ZNF385D: variants seen among roughly 807,000 people sequenced by gnomAD.
ZNF385D encodes zinc finger protein 659.
A neutral mutation model predicts 35.8 loss-of-function variants in ZNF385D; 15 were observed. That is an observed-to-expected ratio of 0.42 (90% CI 0.28 to 0.64). ZNF385D has a LOEUF of 0.64. ZNF385D is among the 30% of genes least tolerant of loss of function. The pLI is 0.23. For missense variants in ZNF385D, 474 were observed against 494.6 expected, an observed-to-expected ratio of 0.96 and a Z score of 0.39; for synonymous variants, 212 against 186.8, an observed-to-expected ratio of 1.13 and a Z score of -1.10.
chr3:21,501,059 C>A (rs1190563458), intron 4 of ZNF385D, among the ~76,000 whole-genome samples: 1 of 152,218 alleles, frequency 6.6e-6, no homozygotes, highest in Non-Finnish European at 1.5e-5. Flanking sequence ...GGAGGGCCAG[C>A]TTTTTTCGCA....
chr3:21,975,839 T>A (rs761541062), intron 3 of ZNF385D, among the ~76,000 whole-genome samples: 1 of 150,134 alleles, frequency 6.7e-6, no homozygotes, highest in Non-Finnish European at 1.5e-5. Flanking sequence ...TTAAGTGAGA[T>A]TGGCAATCAA....
chr3:22,093,181 T>G (rs911451215), intron 3 of ZNF385D, among the ~76,000 whole-genome samples: 2 of 152,100 alleles, frequency 1.3e-5, no homozygotes, highest in Admixed American at 6.6e-5. Flanking sequence ...AAGTTGTTAA[T>G]TGTGTCTAAA....
chr3:22,362,617 C>T (rs1486992352), intron 2 of ZNF385D, among the ~76,000 whole-genome samples: 4 of 152,050 alleles, frequency 2.6e-5, no homozygotes, highest in Admixed American at 2.6e-4. Flanking sequence ...ATCGTTCCGA[C>T]TCTTAAGGAA....
At position 21,647,553 on chromosome 3, in the gene ZNF385D, A is replaced by T. The variant is rs535945979; in HGVS notation, c.165+17333T>A. Among the ~76,000 whole-genome samples the T allele has an allele frequency of 3.9e-5, 6 of 152,270 alleles. No homozygotes were observed. The South Asian group carries it at 1.2e-3, about 32-fold the overall frequency. On this transcript the variant is annotated intron_variant, in intron 2 of 7. Transcript: ENST00000281523. ...GAGCACTTATATCTGAAGAATCTCC[A>T]GTAATATAGCTAATTATGTAATATT...
intron 2 of ZNF385D, among the ~76,000 whole-genome samples, chr3:22,242,542 G>T (rs1011606234): frequency 6.6e-6 from 1 of 150,742 alleles, no homozygotes; most frequent in South Asian, 2.2e-4. Context: ...TCAAAACAAC[G>T]GATAGTTTAC....
At chr3:22,056,557 A>G (rs1359511237) in intron 3 of ZNF385D, among the ~76,000 whole-genome samples, 1 of 152,190 alleles carries the variant, frequency 6.6e-6, no homozygotes, top group African/African-American at 2.4e-5. Flanking sequence ...CAGAAAAGAA[A>G]GTTTAAAAAT....
intron 2 of ZNF385D, among the ~76,000 whole-genome samples, chr3:21,609,449 C>T (rs1032337045): frequency 1.3e-5 from 2 of 152,148 alleles, no homozygotes; most frequent in African/African-American, 4.8e-5. Flanking sequence ...GAATGCTATC[C>T]AAATCGGGTT....
At chr3:22,311,117 AC>A (rs1575093778) in intron 2 of ZNF385D, among the ~76,000 whole-genome samples, 1 of 151,948 alleles carries the variant, frequency 6.6e-6, no homozygotes, top group African/African-American at 2.4e-5. Context: ...CAGGGGTACG[AC>A]CAGAGACAGA....
rs539386163 is a variant in ZNF385D at position 22,283,212 on chromosome 3, TAGAC to T, written c.106+89234_106+89237del. On this transcript the variant is annotated intron_variant, in intron 2 of 5. Transcript: ENST00000494108. Reference sequence around the variant, plus strand: ...TTACTACTAGACCTAAGAAATGAGATAGACAGCAAACGATAGTAGTGGGGGACTT... The same window carrying T: ...TTACTACTAGACCTAAGAAATGAGATAGCAAACGATAGTAGTGGGGGACTT... 3.6e-3 allele frequency among the ~76,000 whole-genome samples: 554 copies of T among 152,060 alleles called. 4 individuals carry two copies. Among genetic ancestry groups the T allele is most frequent in the African/African-American group, 0.011 (471 of 41,526 alleles).
Position 22,044,248 on chromosome 3 carries a change from G to T in ZNF385D, c.325+124569C>A, listed in dbSNP as rs562265606. Among the ~76,000 whole-genome samples the T allele has an allele frequency of 1.3e-4, 20 of 152,156 alleles. No individual in the cohort carries two copies. In the East Asian group the frequency reaches 3.7e-3, roughly 28 times the overall value. On this transcript the variant is annotated intron_variant, in intron 3 of 5. Transcript: ENST00000494108. ...CACTTATTTGTTTGTTTACTCAAAGGTGATAACTTTGTTAGGAATGGGACC... is the reference window on the plus strand; with the variant it reads ...CACTTATTTGTTTGTTTACTCAAAGTTGATAACTTTGTTAGGAATGGGACC...
rs71044974 is a variant in ZNF385D at position 22,123,962 on chromosome 3, C to CTATATA, written c.325+44849_325+44854dup. On this transcript the variant is annotated intron_variant, in intron 3 of 5. Coordinates refer to the ZNF385D transcript ENST00000494108. Reference sequence around the variant, plus strand: ...TCTCTCTCTCTCTCTCTCTCTCTCTCTATATATATATATATATATATATAT... The same window carrying CTATATA: ...TCTCTCTCTCTCTCTCTCTCTCTCTCTATATATATATATATATATATATATATATAT... 1.3e-3 allele frequency among the ~76,000 whole-genome samples: 82 copies of CTATATA among 61,838 alleles called. 2 individuals carry two copies. The highest frequency in any genetic ancestry group is 1.6e-3 in the Non-Finnish European group (50 of 32,062). 40.6% of individuals were successfully genotyped at this position (61,838 alleles called of 152,430 possible).
rs538475684 is a variant in ZNF385D at position 21,835,731 on chromosome 3, C to T, written c.326-170703G>A. On this transcript the variant is annotated intron_variant, in intron 3 of 5. Coordinates refer to the ZNF385D transcript ENST00000494108. The stretch of plus-strand genomic sequence containing the variant: ...TGTATTGTTATGGGGAAAGATGATA[C>T]CTTTTACATTCCTCCATTTCATAAC... Among the ~76,000 whole-genome samples, 5 of 152,074 alleles carry T rather than the reference C, an allele frequency of 3.3e-5. No individual in the cohort carries two copies. The East Asian group carries it at 7.8e-4, about 24-fold the overall frequency.
chr3:21,504,169 A>G (rs939013837), intron 4 of ZNF385D, among the ~76,000 whole-genome samples: 2 of 152,158 alleles, frequency 1.3e-5, no homozygotes, highest in Non-Finnish European at 2.9e-5. Flanking sequence ...CATATACTCA[A>G]TAGGCTAATT....
intron 3 of ZNF385D, among the ~76,000 whole-genome samples, chr3:22,151,979 T>A (rs1465297690): frequency 6.6e-6 from 1 of 152,048 alleles, no homozygotes; most frequent in South Asian, 2.1e-4. Flanking sequence ...TCAGTAGTAA[T>A]TTTTTTCTGT....
chr3:21,701,369 A>T (rs890117378), intron 1 of ZNF385D, among the ~76,000 whole-genome samples: 3 of 152,134 alleles, frequency 2.0e-5, no homozygotes, highest in African/African-American at 7.2e-5. Flanking sequence ...CGTGAGACTT[A>T]TTCACCATCA....
At chr3:21,480,959 A>T (rs4522792) in intron 4 of ZNF385D, among the ~76,000 whole-genome samples, 1 of 151,984 alleles carries the variant, frequency 6.6e-6, no homozygotes, top group Non-Finnish European at 1.5e-5. Flanking sequence ...TACTTATCAC[A>T]TATGATAATC....
intron 3 of ZNF385D, among the ~76,000 whole-genome samples, chr3:21,892,687 G>C (rs1169923686): frequency 6.6e-6 from 1 of 152,066 alleles, no homozygotes; most frequent in African/African-American, 2.4e-5. Flanking sequence ...TTACATTTAA[G>C]AGACATTCAC....
At chr3:22,179,343 AG>A (rs1239853207) in intron 2 of ZNF385D, among the ~76,000 whole-genome samples, 1 of 152,314 alleles carries the variant, frequency 6.6e-6, no homozygotes, top group African/African-American at 2.4e-5. Context: ...TTCTCTTTGA[AG>A]AAATTGTGAA....
At position 21,602,517 on chromosome 3, in the gene ZNF385D, C is replaced by CTTTTTTTTTTTT. The variant is rs746138066; in HGVS notation, c.166-37845_166-37834dup. On this transcript the variant is annotated intron_variant, in intron 2 of 7. Transcript: ENST00000281523. ...TAGGTCTCCTGTTTCCCTGCATTTT[C>CTTTTTTTTTTTT]TTTTTTTTTTTTTTTTTTTTTTTTT... 4.1e-3 allele frequency among the ~76,000 whole-genome samples: 260 copies of CTTTTTTTTTTTT among 62,696 alleles called. 59 individuals carry two copies. The highest frequency in any genetic ancestry group is 0.016 in the African/African-American group (217 of 13,226). 41.1% of individuals were successfully genotyped at this position (62,696 alleles called of 152,430 possible). A position where few individuals can be genotyped will look rare whatever the true frequency, so the allele number is the denominator to read the frequency against.
Sources: gnomAD v4.1 joint callset for allele counts (sites outside exome capture counted in the v4.1 genomes callset) on GRCh38, gnomAD v4.1.1 for gene constraint, MANE v1.5 for transcripts, NCBI Gene and HGNC (gene_info 2026-07-23, HGNC 2026-07-21) for gene names.